JMJD1C: variants seen among roughly 807,000 people sequenced by gnomAD.
JMJD1C encodes jumonji domain containing 1C.
A neutral mutation model predicts 245.3 loss-of-function variants in JMJD1C; 31 were observed. The ratio of observed to expected loss-of-function variants is 0.13; its 90% confidence interval spans 0.09 to 0.17. The LOEUF is 0.17. Ranked by LOEUF, JMJD1C falls within the 10% of genes least tolerant of loss-of-function variation. The probability of loss-of-function intolerance (pLI) is 1.00; values close to 1 mark genes in which losing one functional copy is unlikely to be tolerated. For synonymous variants in JMJD1C, 1,057 were observed against 1,017.4 expected, an observed-to-expected ratio of 1.04 and a Z score of -0.74; for missense variants, 2,691 against 3,000.2, an observed-to-expected ratio of 0.90 and a Z score of 2.41.
intron 5 of JMJD1C, among the ~76,000 whole-genome samples, chr10:63,216,229 A>G (rs1847960804): frequency 6.6e-6 from 1 of 152,238 alleles, no homozygotes. Flanking sequence ...TAGCATTTTA[A>G]CTACATTTTA....
At chr10:63,173,954 A>G (rs1842637714) in intron 24 of JMJD1C, among the ~76,000 whole-genome samples, 1 of 152,226 alleles carries the variant, frequency 6.6e-6, no homozygotes, top group African/African-American at 2.4e-5. Flanking sequence ...CCCAATGTTT[A>G]GTCATTAAGA....
At chr10:63,350,065 A>G (rs1477393766) in intron 2 of JMJD1C, among the ~76,000 whole-genome samples, 2 of 152,254 alleles carry the variant, frequency 1.3e-5, no homozygotes, top group East Asian at 1.9e-4. Flanking sequence ...GACAAAAAGA[A>G]TAAGATTTTA....
intron 1 of JMJD1C, among the ~76,000 whole-genome samples, chr10:63,510,406 T>C (rs547199611): frequency 6.6e-6 from 1 of 152,362 alleles, no homozygotes; most frequent in Admixed American, 6.5e-5. Context: ...AACTGTATTT[T>C]CATTTTGATT....
chr10:63,344,286 G>C (rs1430546938), intron 2 of JMJD1C, among the ~76,000 whole-genome samples: 2 of 151,608 alleles, frequency 1.3e-5, no homozygotes, highest in African/African-American at 4.9e-5. Flanking sequence ...ACTTACCATT[G>C]TGTTACAATT....
chr10:63,493,309 T>A (rs886527316), intron 1 of JMJD1C, among the ~76,000 whole-genome samples: 1 of 123,104 alleles, frequency 8.1e-6, no homozygotes, highest in Non-Finnish European at 1.6e-5. Context: ...TTGCCCAGGC[T>A]GGAGTGCAGT....
Position 63,208,059 on chromosome 10 carries a change from G to C in JMJD1C, c.3610C>G (p.His1204Asp). ...GGTGGGTGAAATACTGGTGCTCTATGTAATGCAGGCATACTGCGGAGTGTA... is the reference window on the plus strand; with the variant it reads ...GGTGGGTGAAATACTGGTGCTCTATCTAATGCAGGCATACTGCGGAGTGTA... ...TNTLRSMPALHRAPVFHPPIH... is the reference protein window; with the variant it reads ...TNTLRSMPALDRAPVFHPPIH... Residue 1204 changes from histidine (H) to aspartate (D), a missense_variant, in exon 10 of 26, where the codon CAT becomes GAT. Coordinates refer to ENST00000399262, the MANE Select transcript of JMJD1C (RefSeq NM_032776.3). 1 of 1,614,152 alleles carries C rather than the reference G, an allele frequency of 6.2e-7. No individual in the cohort carries two copies. Among genetic ancestry groups the C allele is most frequent in the Non-Finnish European group, 8.5e-7 (1 of 1,180,010 alleles).
At chr10:63,337,108 TG>T (rs1388833373) in intron 2 of JMJD1C, among the ~76,000 whole-genome samples, 1 of 151,814 alleles carries the variant, frequency 6.6e-6, no homozygotes, top group Non-Finnish European at 1.5e-5. Flanking sequence ...CCCAAAGTGC[TG>T]GGATTACAGG....
At chr10:63,264,320 AC>A (rs1358568805) in intron 3 of JMJD1C, among the ~76,000 whole-genome samples, 1 of 152,110 alleles carries the variant, frequency 6.6e-6, no homozygotes, top group East Asian at 1.9e-4. Flanking sequence ...CCAATTCTTA[AC>A]GTTTAGCATT....
chr10:63,368,183 T>G (rs1946012853), intron 2 of JMJD1C, among the ~76,000 whole-genome samples: 1 of 152,194 alleles, frequency 6.6e-6, no homozygotes, highest in African/African-American at 2.4e-5. Context: ...GAGGGACAAC[T>G]AGTTTACTAT....
At chr10:63,362,934 G>A (rs961206726) in intron 2 of JMJD1C, among the ~76,000 whole-genome samples, 15 of 152,032 alleles carry the variant, frequency 9.9e-5, no homozygotes. Flanking sequence ...ATTACTGTAG[G>A]GCACTTATTA....
intron 2 of JMJD1C, among the ~76,000 whole-genome samples, chr10:63,378,920 C>A (rs532796045): frequency 6.6e-6 from 1 of 152,148 alleles, no homozygotes; most frequent in South Asian, 2.1e-4. Flanking sequence ...GTTTGCTATG[C>A]AAAATTTTCT....
chr10:63,177,563 A>G lies in JMJD1C; in HGVS notation c.7224+154T>C, dbSNP rs1445036963. 10 of 720,438 alleles carry G rather than the reference A, an allele frequency of 1.4e-5. No homozygotes were observed. In the African/African-American group the frequency reaches 1.6e-4, roughly 12 times the overall value. The allele number at this position is 720,438 out of a possible 1,614,324, so 44.6% of individuals were successfully genotyped here. ...ACAGACTTTCAAAGAGGAGCAAGAG[A>G]AACAGGGTTTTGACTTTCAACAAAA... On this transcript the variant is annotated intron_variant, in intron 23 of 25. Coordinates refer to ENST00000399262, the MANE Select transcript of JMJD1C (RefSeq NM_032776.3).
intron 2 of JMJD1C, among the ~76,000 whole-genome samples, chr10:63,337,844 T>C (rs1053159843): frequency 6.6e-6 from 1 of 152,158 alleles, no homozygotes; most frequent in Non-Finnish European, 1.5e-5. Flanking sequence ...GTTATTACTA[T>C]AGTAAGAAAT....
At chr10:63,393,905 G>A (rs574566592) in intron 1 of JMJD1C, among the ~76,000 whole-genome samples, 3 of 152,282 alleles carry the variant, frequency 2.0e-5, no homozygotes, top group South Asian at 2.1e-4. Context: ...AAGGTGCCAC[G>A]CACAGTGGCT....
intron 3 of JMJD1C, chr10:63,222,818 G>A: frequency 6.9e-7 from 1 of 1,440,580 alleles, no homozygotes; most frequent in Non-Finnish European, 9.8e-7. Flanking sequence ...GATTGAGACA[G>A]ATGCACCTTG....
intron 10 of JMJD1C, chr10:63,203,061 C>A (rs970662555): frequency 2.5e-5 from 25 of 984,714 alleles, no homozygotes; most frequent in Non-Finnish European, 3.0e-5. Context: ...TTATGTGACA[C>A]AAAATAGGCA....
chr10:63,478,091 T>C (rs982989076), intron 1 of JMJD1C, among the ~76,000 whole-genome samples: 1 of 152,082 alleles, frequency 6.6e-6, no homozygotes, highest in Non-Finnish European at 1.5e-5. Context: ...TGGAAGTGAT[T>C]GCCACTTTGC....
At chr10:63,371,155 T>C (rs1161210826) in intron 2 of JMJD1C, among the ~76,000 whole-genome samples, 1 of 151,608 alleles carries the variant, frequency 6.6e-6, no homozygotes, top group East Asian at 1.9e-4. Flanking sequence ...ATTTTTTTTT[T>C]TTTTTGGTAG....
At chr10:63,494,367 T>C (rs969762729) in intron 1 of JMJD1C, among the ~76,000 whole-genome samples, 1 of 152,114 alleles carries the variant, frequency 6.6e-6, no homozygotes, top group Non-Finnish European at 1.5e-5. Flanking sequence ...TTATAAAGCT[T>C]CATTATTAAA....
Sources: allele counts gnomAD v4.1 joint callset (sites outside exome capture counted in the v4.1 genomes callset), GRCh38; gene constraint gnomAD v4.1.1; transcripts MANE v1.5; gene names NCBI Gene and HGNC (gene_info 2026-07-23, HGNC 2026-07-21).